PIK3R3: variants seen among roughly 807,000 people sequenced by gnomAD.
PIK3R3 encodes phosphoinositide-3-kinase regulatory subunit 3.
PIK3R3 carries 64 observed loss-of-function variants against 62.9 expected under a neutral mutation model. The observed-to-expected ratio is 1.02, with a 90% CI of 0.83 to 1.25. The LOEUF (loss-of-function observed/expected upper bound fraction) is 1.25. Among genes scored for constraint, PIK3R3 ranks in the 50% most tolerant of loss-of-function variants. The probability of loss-of-function intolerance (pLI) is 0.00; values close to 1 mark genes in which losing one functional copy is unlikely to be tolerated. For missense variants in PIK3R3, 614 were observed against 561.6 expected (o/e 1.09, Z -0.94); for synonymous variants, 165 against 189.0 (o/e 0.87, Z 1.04).
intron 1 of PIK3R3, among the ~76,000 whole-genome samples, chr1:46,111,346 T>G (rs757225041): frequency 6.6e-5 from 10 of 152,228 alleles, no homozygotes; most frequent in Middle Eastern, 3.4e-3. Context: ...CAAGGCAGCA[T>G]GTACACAAAG....
At chr1:46,124,567 C>T (rs1038263722) in intron 1 of PIK3R3, among the ~76,000 whole-genome samples, 2 of 152,012 alleles carry the variant, frequency 1.3e-5, no homozygotes, top group African/African-American at 4.8e-5. Context: ...GAGGCCGAGG[C>T]GGGAAGACCA....
chr1:46,098,647 T>TA (rs1652370023), intron 1 of PIK3R3, among the ~76,000 whole-genome samples: 1 of 152,210 alleles, frequency 6.6e-6, no homozygotes, highest in African/African-American at 2.4e-5. Flanking sequence ...GGCAAACTTA[T>TA]AGAGACAGAA....
chr1:46,127,528 T>C lies in PIK3R3; in HGVS notation c.106+4319A>G, dbSNP rs190526039. ...CTAAAGTGCTGAGCTAACAGACCAC[T>C]AGCTACAACCTTTTGTGTATGAGTT... On this transcript the variant is annotated intron_variant, in intron 1 of 9. Coordinates refer to ENST00000262741, the MANE Select transcript of PIK3R3 (RefSeq NM_003629.4). Among the ~76,000 whole-genome samples, 103 of 152,232 alleles carry C rather than the reference T, an allele frequency of 6.8e-4. 1 individual carries two copies. Among genetic ancestry groups the C allele is most frequent in the African/African-American group, 2.3e-3 (97 of 41,546 alleles).
intron 1 of PIK3R3, among the ~76,000 whole-genome samples, chr1:46,106,205 T>C (rs1192405204): frequency 2.6e-5 from 4 of 152,130 alleles, no homozygotes; most frequent in Non-Finnish European, 4.4e-5. Context: ...CAGGCTCAAA[T>C]GATCCTCCCA....
chr1:46,118,021 T>C (rs1409552894), intron 1 of PIK3R3, among the ~76,000 whole-genome samples: 3 of 146,000 alleles, frequency 2.1e-5, no homozygotes, highest in African/African-American at 7.7e-5. Context: ...AAGGCTACAG[T>C]GAGCTGTTGG....
At chr1:46,103,155 G>A (rs1287569608) in intron 1 of PIK3R3, among the ~76,000 whole-genome samples, 4 of 152,188 alleles carry the variant, frequency 2.6e-5, no homozygotes, top group African/African-American at 9.7e-5. Context: ...GTTACCAGGG[G>A]TTGCGTGATA....
At chr1:46,141,139 C>T in the PIK3R3 span, among the ~76,000 whole-genome samples, 4 of 152,076 alleles carry the variant, frequency 2.6e-5, no homozygotes, top group African/African-American at 4.8e-5. Flanking sequence ...GGATTACAGG[C>T]GTGAGCCACT....
chr1:46,172,909 C>T, the PIK3R3 span, among the ~76,000 whole-genome samples: 4 of 152,106 alleles, frequency 2.6e-5, no homozygotes, highest in Non-Finnish European at 5.9e-5. Flanking sequence ...ACGAGAATCA[C>T]TTGACTCTGG....
At chr1:46,060,764 A>G (rs1648408793) in intron 6 of PIK3R3, among the ~76,000 whole-genome samples, 1 of 152,174 alleles carries the variant, frequency 6.6e-6, no homozygotes, top group African/African-American at 2.4e-5. Flanking sequence ...CACTTTAACC[A>G]TTAAGCTACA....
At chr1:46,155,725 G>A in the PIK3R3 span, among the ~76,000 whole-genome samples, 1 of 152,094 alleles carries the variant, frequency 6.6e-6, no homozygotes, top group Non-Finnish European at 1.5e-5. Flanking sequence ...GCCTCCCAAA[G>A]TGCTGAGATT....
chr1:46,144,867 G>A, the PIK3R3 span, among the ~76,000 whole-genome samples: 3 of 152,160 alleles, frequency 2.0e-5, no homozygotes, highest in African/African-American at 7.2e-5. Flanking sequence ...GCTCATGGCT[G>A]TAATCCCAGT....
intron 1 of PIK3R3, among the ~76,000 whole-genome samples, chr1:46,118,467 T>A (rs550551063): frequency 6.6e-6 from 1 of 152,124 alleles, no homozygotes; most frequent in Non-Finnish European, 1.5e-5. Context: ...CTTCTCATCT[T>A]ATACGAGTTT....
chr1:46,130,594 C>G (rs886727456), intron 1 of PIK3R3, among the ~76,000 whole-genome samples: 8 of 152,126 alleles, frequency 5.3e-5, no homozygotes, highest in Middle Eastern at 6.8e-3. Context: ...TCACCGTTTG[C>G]AAGGACACAG....
At chr1:46,165,857 C>T in the PIK3R3 span, among the ~76,000 whole-genome samples, 52 of 136,584 alleles carry the variant, frequency 3.8e-4, no homozygotes, top group Non-Finnish European at 5.6e-4. Flanking sequence ...CTGTAAGCTC[C>T]GCCTCCTGGG....
At chr1:46,157,076 G>T in the PIK3R3 span, among the ~76,000 whole-genome samples, 1 of 152,180 alleles carries the variant, frequency 6.6e-6, no homozygotes, top group Non-Finnish European at 1.5e-5. Flanking sequence ...TCCTCCTGAC[G>T]TTGCTGCTAT....
chr1:46,128,071 T>C (rs1050127688), intron 1 of PIK3R3, among the ~76,000 whole-genome samples: 5 of 152,186 alleles, frequency 3.3e-5, no homozygotes, highest in African/African-American at 4.8e-5. Context: ...GGAAACATCT[T>C]TGAAAAATAG....
At chr1:46,165,751 C>CTTTTTTTTTTTTTTTTTTTTTTTTTTTTT in the PIK3R3 span, among the ~76,000 whole-genome samples, 2 of 39,554 alleles carry the variant, frequency 5.1e-5, 1 homozygote, top group Non-Finnish European at 9.1e-5. Context: ...CTGCTTTGTC[C>CTTTTTTTTTTTTTTTTTTTTTTTTTTTTT]TTTTTTTTTT....
rs558232322 is a variant in PIK3R3, at chr1:46,061,926, T to TA, written c.764+2dup. 3.8e-3 allele frequency: 6,087 copies of TA among 1,612,306 alleles called. 19 individuals are homozygous for TA. Among genetic ancestry groups the TA allele is most frequent in the Non-Finnish European group, 4.6e-3 (5,459 of 1,178,476 alleles). On this transcript the variant is annotated splice_region_variant and intron_variant, in intron 6 of 9. Coordinates refer to ENST00000262741, the MANE Select transcript of PIK3R3 (RefSeq NM_003629.4). ...TGCCCTTGGAGGTACTAAGTAGACT[T>TA]ACCGTTCAATCTCCTTTTCATTCCC...
At chr1:46,122,605 T>G (rs1654773136) in intron 1 of PIK3R3, among the ~76,000 whole-genome samples, 1 of 152,144 alleles carries the variant, frequency 6.6e-6, no homozygotes. Context: ...TGACCTCAAG[T>G]GATCCACCCA....
Sources: gnomAD v4.1 joint callset for allele counts (sites outside exome capture counted in the v4.1 genomes callset) on GRCh38, gnomAD v4.1.1 for gene constraint, MANE v1.5 for transcripts, NCBI Gene and HGNC (gene_info 2026-07-23, HGNC 2026-07-21) for gene names.